The following MDGA2 variants were observed in gnomAD, a reference collection of about 807,000 sequenced individuals.
MDGA2 encodes MAM domain-containing glycosylphosphatidylinositol anchor protein 2.
In MDGA2, 40 loss-of-function variants were observed where a neutral mutation model predicts 117.8. That is an observed-to-expected ratio of 0.34 (90% CI 0.26 to 0.44). The LOEUF (loss-of-function observed/expected upper bound fraction) is 0.44. Ranked by LOEUF, MDGA2 falls within the 20% of genes least tolerant of loss-of-function variation. The pLI is 1.00. For synonymous variants in MDGA2, 452 were observed against 439.0 expected (o/e 1.03, Z -0.37); for missense variants, 1,123 against 1,250.6 (o/e 0.90, Z 1.54).
Position 46,864,545 on chromosome 14 carries a change from G to GTTTTTTTTTTTTTTTTTTTTTT in MDGA2, c.2752+8866_2752+8887dup, listed in dbSNP as rs71112467. 3.3e-4 allele frequency among the ~76,000 whole-genome samples: 17 copies of GTTTTTTTTTTTTTTTTTTTTTT among 51,472 alleles called. 2 individuals are homozygous for GTTTTTTTTTTTTTTTTTTTTTT. Among genetic ancestry groups the GTTTTTTTTTTTTTTTTTTTTTT allele is most frequent in the Non-Finnish European group, 6.7e-4 (17 of 25,448 alleles). The allele number at this position is 51,472 out of a possible 152,430, so 33.8% of individuals were successfully genotyped here. A position where few individuals can be genotyped will look rare whatever the true frequency, so the allele number is the denominator to read the frequency against. On this transcript the variant is annotated intron_variant, in intron 14 of 16. Transcript: ENST00000399232. The stretch of plus-strand genomic sequence containing the variant: ...TTTGTTGCGCTTTGCAGATATTGCT[G>GTTTTTTTTTTTTTTTTTTTTTT]TTTTTTTTTTTTTTTTTTTTTTTTT...
rs71112472 is a variant in MDGA2, at chr14:46,938,540, C to CAAAAAAAAAAAAAAAAAAAAA, written c.2090-18381_2090-18380insTTTTTTTTTTTTTTTTTTTTT. On this transcript the variant is annotated intron_variant, in intron 9 of 16. Coordinates refer to ENST00000399232, the MANE Select transcript of MDGA2 (RefSeq NM_001113498.3). ...GGGCAACAAGAACGAAAATCCATCT[C>CAAAAAAAAAAAAAAAAAAAAA]AAAAAAAAAAAAAAAAAAAAGAGAC... is the stretch of plus-strand genomic sequence containing the variant. 6.2e-3 allele frequency among the ~76,000 whole-genome samples: 167 copies of CAAAAAAAAAAAAAAAAAAAAA among 26,950 alleles called. 12 individuals are homozygous for CAAAAAAAAAAAAAAAAAAAAA. Among genetic ancestry groups the CAAAAAAAAAAAAAAAAAAAAA allele is most frequent in the Non-Finnish European group, 8.5e-3 (97 of 11,370 alleles). 17.7% of individuals were successfully genotyped at this position (26,950 alleles called of 152,430 possible). A position where few individuals can be genotyped will look rare whatever the true frequency, so the allele number is the denominator to read the frequency against.
intron 1 of MDGA2, among the ~76,000 whole-genome samples, chr14:47,502,390 A>C (rs1894417095): frequency 1.3e-5 from 2 of 152,166 alleles, no homozygotes; most frequent in African/African-American, 2.4e-5. Context: ...GATCACACTG[A>C]TGAAATTAAG....
At chr14:47,031,301 T>C (rs1359739243) in intron 8 of MDGA2, among the ~76,000 whole-genome samples, 1 of 151,916 alleles carries the variant, frequency 6.6e-6, no homozygotes, top group Non-Finnish European at 1.5e-5. Flanking sequence ...ATACAATTCA[T>C]TCTGTGCTCC....
intron 1 of MDGA2, among the ~76,000 whole-genome samples, chr14:47,361,228 T>TAC (rs1891117530): frequency 1.9e-5 from 2 of 106,642 alleles, no homozygotes; most frequent in Admixed American, 2.2e-4. Context: ...TATATATATA[T>TAC]GGCAGTAGTA....
At chr14:47,223,149 G>C (rs1886361097) in intron 2 of MDGA2, among the ~76,000 whole-genome samples, 1 of 152,080 alleles carries the variant, frequency 6.6e-6, no homozygotes, top group South Asian at 2.1e-4. Flanking sequence ...AATAACATGG[G>C]AAAGATCGGA....
rs577795228 is a variant in MDGA2, at chr14:47,466,140, G to A, written c.281-164590C>T. ...TTATGAGATCTTATAAGCACAAAAA[G>A]GGAACAACAGACACTGGGGTGTATG... On this transcript the variant is annotated intron_variant, in intron 1 of 16. Transcript: ENST00000399232. Among the ~76,000 whole-genome samples, 14 of 152,154 alleles carry A rather than the reference G, an allele frequency of 9.2e-5. No homozygotes were observed. In the East Asian group the frequency reaches 1.7e-3, roughly 19 times the overall value.
At chr14:46,981,282 T>C (rs1886663496) in intron 8 of MDGA2, among the ~76,000 whole-genome samples, 2 of 151,938 alleles carry the variant, frequency 1.3e-5, no homozygotes, top group Non-Finnish European at 2.9e-5. Flanking sequence ...TATGCGCCTG[T>C]AATCCCAGCT....
chr14:47,131,938 C>A, intron 4 of MDGA2, 92 bp from the exon 5 acceptor site: 1 of 1,017,272 alleles, frequency 9.8e-7, no homozygotes. Context: ...TGTATTAAAT[C>A]ATATTATTAT....
chr14:47,274,396 G>A (rs900829858), intron 2 of MDGA2, among the ~76,000 whole-genome samples: 3 of 151,602 alleles, frequency 2.0e-5, no homozygotes, highest in African/African-American at 2.4e-5. Context: ...TCCTTTTTGC[G>A]CATGTATTAT....
chr14:47,537,201 A>G (rs915590231), intron 1 of MDGA2, among the ~76,000 whole-genome samples: 1 of 151,044 alleles, frequency 6.6e-6, no homozygotes, highest in African/African-American at 2.4e-5. Flanking sequence ...AAACTATCGC[A>G]AGGACAAAAA....
At chr14:46,955,615 T>C (rs538400560) in intron 9 of MDGA2, among the ~76,000 whole-genome samples, 11 of 152,080 alleles carry the variant, frequency 7.2e-5, no homozygotes, top group Admixed American at 5.9e-4. Flanking sequence ...TACTCTAACA[T>C]ACATCATAAA....
At chr14:47,572,658 G>A (rs1055958146) in intron 1 of MDGA2, among the ~76,000 whole-genome samples, 1 of 152,100 alleles carries the variant, frequency 6.6e-6, no homozygotes, top group African/African-American at 2.4e-5. Flanking sequence ...TCCTCTGGGA[G>A]GAACTCTCTA....
intron 8 of MDGA2, among the ~76,000 whole-genome samples, chr14:46,967,133 T>G (rs1447294340): frequency 6.6e-6 from 1 of 152,120 alleles, no homozygotes; most frequent in African/African-American, 2.4e-5. Context: ...TTTTAAATAT[T>G]TAAGGGAGTG....
intron 2 of MDGA2, among the ~76,000 whole-genome samples, chr14:47,293,365 C>A (rs1258555198): frequency 2.6e-5 from 4 of 152,140 alleles, no homozygotes; most frequent in Non-Finnish European, 5.9e-5. Flanking sequence ...TAACCCAAGT[C>A]ATGGAAGAGT....
chr14:47,647,311 T>G (rs960510339), intron 1 of MDGA2, among the ~76,000 whole-genome samples: 1 of 152,176 alleles, frequency 6.6e-6, no homozygotes, highest in African/African-American at 2.4e-5. Flanking sequence ...GTAACACACA[T>G]GGCCTATTTC....
chr14:46,957,101 G>A (rs1566544494), intron 9 of MDGA2, among the ~76,000 whole-genome samples: 1 of 152,050 alleles, frequency 6.6e-6, no homozygotes, highest in South Asian at 2.1e-4. Context: ...TTATAGCACT[G>A]TGAGAATTGA....
At chr14:46,911,163 A>T (rs1310888222) in intron 10 of MDGA2, among the ~76,000 whole-genome samples, 1 of 152,208 alleles carries the variant, frequency 6.6e-6, no homozygotes, top group Non-Finnish European at 1.5e-5. Context: ...TTAAATAAAA[A>T]AGATAAGTAA....
intron 3 of MDGA2, 142 bp downstream of exon 3, chr14:47,217,879 G>C: frequency 1.7e-6 from 1 of 574,404 alleles, no homozygotes; most frequent in Admixed American, 3.9e-5. Flanking sequence ...CTTCAGGAAC[G>C]TTTTAAGGGA....
chr14:47,421,224 T>C (rs1165065234), intron 1 of MDGA2, among the ~76,000 whole-genome samples: 2 of 152,162 alleles, frequency 1.3e-5, no homozygotes, highest in Non-Finnish European at 2.9e-5. Flanking sequence ...GTTTTTTACA[T>C]TTTCAAATGA....
Sources: gnomAD v4.1 joint callset for allele counts (sites outside exome capture counted in the v4.1 genomes callset) on GRCh38, gnomAD v4.1.1 for gene constraint, MANE v1.5 for transcripts, NCBI Gene and HGNC (gene_info 2026-07-23, HGNC 2026-07-21) for gene names.